The following SLCO1C1 variants were observed in gnomAD, a reference collection of about 807,000 sequenced individuals.
The protein encoded by SLCO1C1 is solute carrier organic anion transporter family member 1C1.
Under a neutral mutation model 76.4 loss-of-function variants are expected in SLCO1C1, and 70 were observed. That is an observed-to-expected ratio of 0.92 (90% CI 0.76 to 1.12). The LOEUF is 1.12. Ranked by LOEUF, SLCO1C1 falls within the 50% of genes most tolerant of loss-of-function variation. SLCO1C1 has a pLI of 0.00. For missense variants in SLCO1C1, 912 were observed against 823.8 expected, an observed-to-expected ratio of 1.11 and a Z score of -1.31; for synonymous variants, 306 against 286.1, an observed-to-expected ratio of 1.07 and a Z score of -0.70.
intron 6 of SLCO1C1, 36 bp from the exon 7 acceptor site, chr12:20,717,096 C>A: frequency 6.7e-7 from 1 of 1,497,384 alleles, no homozygotes; most frequent in Non-Finnish European, 9.2e-7. Flanking sequence ...AAAGAAATGA[C>A]AGCTTTTTTT....
At chr12:20,723,365 T>G in intron 9 of SLCO1C1, 111 bp downstream of exon 9, 1 of 1,275,708 alleles carries the variant, frequency 7.8e-7, no homozygotes, top group Non-Finnish European at 1.1e-6. Context: ...TTATGACATT[T>G]TAGATGAGCT....
chr12:20,743,645 G>A (rs1206322604), intron 13 of SLCO1C1, among the ~76,000 whole-genome samples: 11 of 151,926 alleles, frequency 7.2e-5, no homozygotes, highest in Non-Finnish European at 1.5e-5. Context: ...ACCTTTTCTA[G>A]TACTTGTGTG....
chr12:20,741,709 A>G (rs915146594), intron 12 of SLCO1C1, among the ~76,000 whole-genome samples: 1 of 148,540 alleles, frequency 6.7e-6, no homozygotes, highest in African/African-American at 2.4e-5. Context: ...CCAAATTGTA[A>G]AATAGTTTTG....
intron 10 of SLCO1C1, 95 bp from the exon 11 acceptor site, chr12:20,737,012 T>G: frequency 8.9e-7 from 1 of 1,119,018 alleles, no homozygotes; most frequent in Non-Finnish European, 1.2e-6. Context: ...TTGTTCATAG[T>G]ATCATTTATA....
At chr12:20,724,435 ATATATATATATATATATGTGTG>A (rs1252701939) in intron 9 of SLCO1C1, among the ~76,000 whole-genome samples, 2 of 128,842 alleles carry the variant, frequency 1.6e-5, no homozygotes, top group Admixed American at 8.2e-5. Flanking sequence ...ATATATATAT[ATATATATATATATATATGTGTG>A]TGTGTGTGTG....
At chr12:20,696,555 C>T (rs1946274607) in intron 1 of SLCO1C1, among the ~76,000 whole-genome samples, 1 of 151,994 alleles carries the variant, frequency 6.6e-6, no homozygotes, top group African/African-American at 2.4e-5. Context: ...GTTTTTGAAC[C>T]AAAGGAAGAG....
Position 20,695,547 on chromosome 12 carries a change from A to G in SLCO1C1, c.-286A>G, listed in dbSNP as rs1307778461. On this transcript the variant is annotated 5_prime_UTR_variant, in exon 1 of 15. Coordinates refer to ENST00000266509, the MANE Select transcript of SLCO1C1 (RefSeq NM_017435.5). ...GTCAGTGGCCTTGCCAGCGTGGCCA[A>G]TTCTCTGCTGACTGCCAGAAAAAAG... The G allele has an allele frequency of 3.3e-5, 5 of 152,140 alleles. No individual in the cohort carries two copies. The highest frequency in any genetic ancestry group is 6.6e-5 in the Admixed American group (1 of 15,254). 9.4% of individuals were successfully genotyped at this position (152,140 alleles called of 1,614,324 possible).
rs775454840 is a variant in SLCO1C1, at chr12:20,721,936, A to T, written c.908A>T (p.Gln303Leu). ...WYLPKSLPRSQSREDSNSSSE... is the reference protein window; with the variant it reads ...WYLPKSLPRSLSREDSNSSSE... ...TTACCAAAGAGTTTACCAAGATCCC[A>T]AAGTAGAGAGGATTCTAATTCTTCC... The change falls in exon 8 of 15, where the codon CAA becomes CTA. Residue 303 changes from glutamine (Q) to leucine (L), a missense_variant. Coordinates refer to ENST00000266509, the MANE Select transcript of SLCO1C1 (RefSeq NM_017435.5). The T allele has an allele frequency of 6.2e-7, 1 of 1,614,174 alleles. No homozygotes were observed. Among genetic ancestry groups the T allele is most frequent in the East Asian group, 2.2e-5 (1 of 44,866 alleles).
At chr12:20,718,204 T>G (rs751625439) in intron 7 of SLCO1C1, among the ~76,000 whole-genome samples, 1 of 152,094 alleles carries the variant, frequency 6.6e-6, no homozygotes, top group Admixed American at 6.6e-5. Flanking sequence ...CAGAGGAAAA[T>G]TGTTAAGGGG....
chr12:20,730,222 T>C (rs2120811473), intron 9 of SLCO1C1, among the ~76,000 whole-genome samples: 1 of 152,294 alleles, frequency 6.6e-6, no homozygotes, highest in East Asian at 1.9e-4. Flanking sequence ...AGAGAGAAAA[T>C]GTAGGACCCT....
At chr12:20,695,947 T>C (rs1030827488) in intron 1 of SLCO1C1, 140 bp downstream of exon 1, 1 of 152,082 alleles carries the variant, frequency 6.6e-6, no homozygotes, top group Admixed American at 6.6e-5. Flanking sequence ...ATTAGTTTGA[T>C]GGAAATAAGA....
chr12:20,750,670 C>T lies in SLCO1C1; in HGVS notation c.1799-5C>T, dbSNP rs1342398146. The T allele has an allele frequency of 3.7e-6, 6 of 1,612,898 alleles. No individual in the cohort carries two copies. The highest frequency in any genetic ancestry group is 4.2e-6 in the Non-Finnish European group (5 of 1,179,096). On this transcript the variant is annotated splice_region_variant and splice_polypyrimidine_tract_variant and intron_variant, in intron 13 of 14. Transcript: ENST00000266509. ...TTTAACAGCAATTATTTGTTTTTCTCACAGCAGGAATCCCAGCTCCAGTGT... is the reference window on the plus strand; with the variant it reads ...TTTAACAGCAATTATTTGTTTTTCTTACAGCAGGAATCCCAGCTCCAGTGT...
intron 2 of SLCO1C1, 149 bp from the exon 3 acceptor site, chr12:20,701,169 C>A: frequency 1.4e-6 from 1 of 725,158 alleles, no homozygotes; most frequent in Non-Finnish European, 2.0e-6. Flanking sequence ...AAACCTCGAA[C>A]AGTGTTTGAA....
At chr12:20,715,884 A>T (rs1399465207) in intron 6 of SLCO1C1, among the ~76,000 whole-genome samples, 1 of 152,244 alleles carries the variant, frequency 6.6e-6, no homozygotes, top group Non-Finnish European at 1.5e-5. Context: ...AAAATAATAT[A>T]GCAGAGGCAA....
intron 3 of SLCO1C1, among the ~76,000 whole-genome samples, chr12:20,703,391 G>A (rs114985445): frequency 0.011 from 1,468 of 128,328 alleles, 26 homozygotes; most frequent in African/African-American, 0.042. Context: ...ATCTTTCTTT[G>A]CAACTCTTAG....
chr12:20,751,848 C>T (rs984989029), intron 14 of SLCO1C1, among the ~76,000 whole-genome samples: 1 of 152,112 alleles, frequency 6.6e-6, no homozygotes, highest in Non-Finnish European at 1.5e-5. Flanking sequence ...TTACTCAGAG[C>T]TCCAATTCCC....
intron 13 of SLCO1C1, among the ~76,000 whole-genome samples, chr12:20,747,204 A>C (rs11045434): frequency 0.43 from 66,064 of 151,936 alleles, 17,078 homozygotes; most frequent in South Asian, 0.63. Context: ...GCGGGTGGAT[A>C]TCTTGAGGCC....
At chr12:20,708,732 C>T (rs1946910831) in intron 4 of SLCO1C1, among the ~76,000 whole-genome samples, 1 of 152,108 alleles carries the variant, frequency 6.6e-6, no homozygotes, top group Non-Finnish European at 1.5e-5. Context: ...ACGGAGAAAG[C>T]ACAGAAGATG....
intron 7 of SLCO1C1, among the ~76,000 whole-genome samples, chr12:20,721,207 G>A (rs1947652231): frequency 6.6e-6 from 1 of 152,118 alleles, no homozygotes; most frequent in African/African-American, 2.4e-5. Context: ...TTTGAAAGAA[G>A]TTTTACTGTG....
Sources: allele counts gnomAD v4.1 joint callset (sites outside exome capture counted in the v4.1 genomes callset), GRCh38; gene constraint gnomAD v4.1.1; transcripts MANE v1.5; gene names NCBI Gene and HGNC (gene_info 2026-07-23, HGNC 2026-07-21).